Variants in PAK2 observed in about 807,000 individuals in gnomAD.
The protein encoded by PAK2 is p21 (RAC1) activated kinase 2.
Under a neutral mutation model 65.9 loss-of-function variants are expected in PAK2, and 21 were observed. The observed-to-expected ratio is 0.32, with a 90% CI of 0.23 to 0.46. The LOEUF is 0.46. PAK2 is among the 20% of genes least tolerant of loss of function. PAK2 has a pLI of 1.00. For missense variants in PAK2, 324 were observed against 642.6 expected (o/e 0.50, Z 5.36); for synonymous variants, 204 against 219.7 (o/e 0.93, Z 0.63).
At chr3:196,799,372 C>CT (rs1413279561) in intron 2 of PAK2, among the ~76,000 whole-genome samples, 1 of 152,182 alleles carries the variant, frequency 6.6e-6, no homozygotes, top group Non-Finnish European at 1.5e-5. Flanking sequence ...TGCTCTGTTT[C>CT]TAAGTGTCCC....
chr3:196,781,145 A>C (rs1452631485), intron 1 of PAK2, among the ~76,000 whole-genome samples: 1 of 152,210 alleles, frequency 6.6e-6, no homozygotes, highest in African/African-American at 2.4e-5. Flanking sequence ...TGAAATAAAA[A>C]ATTTGTTTTT....
intron 1 of PAK2, among the ~76,000 whole-genome samples, chr3:196,761,697 C>A (rs1253853448): frequency 2.1e-5 from 3 of 142,882 alleles, no homozygotes; most frequent in Non-Finnish European, 4.7e-5. Flanking sequence ...GGGTGGTGGC[C>A]GGGCAGAGGG....
At position 196,759,498 on chromosome 3, in the gene PAK2, G is replaced by GTTTTTTTTTTTTTTTTTTTTTTT. The variant is rs71301221; in HGVS notation, c.-22+19358_-22+19380dup. Among the ~76,000 whole-genome samples, 8 of 108,160 alleles carry GTTTTTTTTTTTTTTTTTTTTTTT rather than the reference G, an allele frequency of 7.4e-5. 1 individual carries two copies. Among genetic ancestry groups the GTTTTTTTTTTTTTTTTTTTTTTT allele is most frequent in the Non-Finnish European group, 9.0e-5 (5 of 55,422 alleles). 71.0% of individuals were successfully genotyped at this position (108,160 alleles called of 152,430 possible). The stretch of plus-strand genomic sequence containing the variant: ...GGTATACAGTTAAGTGGTTTTTTTT[G>GTTTTTTTTTTTTTTTTTTTTTTT]TTTTTTTTTTTTTTTTTTTTTTTTT... On this transcript the variant is annotated intron_variant, in intron 1 of 14. Transcript: ENST00000327134.
At chr3:196,816,192 A>G (rs1329869804) in intron 11 of PAK2, among the ~76,000 whole-genome samples, 1 of 152,210 alleles carries the variant, frequency 6.6e-6, no homozygotes, top group African/African-American at 2.4e-5. Context: ...GCAGTTCTTC[A>G]GTGACATGTG....
chr3:196,762,069 C>T (rs531876782), intron 1 of PAK2, among the ~76,000 whole-genome samples: 2,857 of 141,034 alleles, frequency 0.02, 51 homozygotes, highest in Non-Finnish European at 0.03. Context: ...GGGTCTTGGC[C>T]GGGCAGAGGC....
At chr3:196,767,897 G>T (rs1179730242) in intron 1 of PAK2, among the ~76,000 whole-genome samples, 1 of 152,072 alleles carries the variant, frequency 6.6e-6, no homozygotes, top group Admixed American at 6.5e-5. Flanking sequence ...CCACAGTGCG[G>T]TCTCATCATA....
chr3:196,756,011 C>T (rs1713756851), intron 1 of PAK2, among the ~76,000 whole-genome samples: 3 of 152,172 alleles, frequency 2.0e-5, no homozygotes, highest in African/African-American at 7.2e-5. Flanking sequence ...GCCTTGGCCT[C>T]CCAAAGTGCA....
At chr3:196,800,789 TTATATA>T (rs1181083778) in intron 2 of PAK2, among the ~76,000 whole-genome samples, 1 of 152,132 alleles carries the variant, frequency 6.6e-6, no homozygotes, top group South Asian at 2.1e-4. Flanking sequence ...GGGTTCCAAC[TTATATA>T]TATATAAAAT....
intron 1 of PAK2, among the ~76,000 whole-genome samples, chr3:196,762,055 G>C (rs927782597): frequency 7.1e-6 from 1 of 141,464 alleles, no homozygotes; most frequent in African/African-American, 2.7e-5. Context: ...TCACCTCCCA[G>C]ACGGGGTCTT....
At chr3:196,749,953 C>G (rs192678032) in intron 1 of PAK2, among the ~76,000 whole-genome samples, 4 of 151,750 alleles carry the variant, frequency 2.6e-5, no homozygotes, top group Admixed American at 2.6e-4. Context: ...TCCAGAGTAG[C>G]CAGGACTACA....
At chr3:196,789,588 G>T (rs191706234) in intron 2 of PAK2, among the ~76,000 whole-genome samples, 1 of 151,780 alleles carries the variant, frequency 6.6e-6, no homozygotes, top group African/African-American at 2.4e-5. Context: ...TCAGCCTCCC[G>T]AGTAGCTGGG....
In PAK2 at chr3:196,807,772, G is replaced by A. The variant is rs775132792; in HGVS notation, c.577-10G>A. 12 of 1,535,350 alleles carry A rather than the reference G, an allele frequency of 7.8e-6. No homozygotes were observed. Among genetic ancestry groups the A allele is most frequent in the Non-Finnish European group, 1.1e-5 (12 of 1,117,126 alleles). On this transcript the variant is annotated splice_polypyrimidine_tract_variant and intron_variant, in intron 6 of 14. Transcript: ENST00000327134. ...TCCTCAAACCTTGGTAATGAACTGT[G>A]TCTCCACAGATTTACACACGGTCTG...
In PAK2 at chr3:196,831,997, A is replaced by G. The variant is rs568871287; in HGVS notation, c.*3592A>G. 1.3e-5 allele frequency: 2 copies of G among 152,370 alleles called. No individual in the cohort carries two copies. Among genetic ancestry groups the G allele is most frequent in the African/African-American group, 4.8e-5 (2 of 41,588 alleles). The allele number at this position is 152,370 out of a possible 1,614,324, so 9.4% of individuals were successfully genotyped here. The stretch of plus-strand genomic sequence containing the variant: ...TATATAAGAAAAAATAGATACACAC[A>G]TTCTTTTTTCTCAGTCAACACATTG... On this transcript the variant is annotated 3_prime_UTR_variant, in exon 15 of 15. Coordinates refer to ENST00000327134, the MANE Select transcript of PAK2 (RefSeq NM_002577.4).
At chr3:196,825,083 T>C (rs531400256) in intron 13 of PAK2, among the ~76,000 whole-genome samples, 6 of 152,274 alleles carry the variant, frequency 3.9e-5, no homozygotes, top group East Asian at 3.9e-4. Context: ...CAGCGGCTCA[T>C]GCCTGTAATA....
intron 1 of PAK2, among the ~76,000 whole-genome samples, chr3:196,742,212 C>A (rs1349041130): frequency 6.6e-6 from 1 of 150,488 alleles, no homozygotes; most frequent in African/African-American, 2.4e-5. Context: ...TCTCAGCCTG[C>A]TGAGTAGCTG....
rs1276424113 is a variant in PAK2, at chr3:196,830,520, G to C, written c.*2115G>C. 1 of 152,206 alleles carries C rather than the reference G, an allele frequency of 6.6e-6. No homozygotes were observed. The highest frequency in any genetic ancestry group is 1.5e-5 in the Non-Finnish European group (1 of 68,034). 9.4% of individuals were successfully genotyped at this position (152,206 alleles called of 1,614,324 possible). A position where few individuals can be genotyped will look rare whatever the true frequency, so the allele number is the denominator to read the frequency against. Reference sequence around the variant, plus strand: ...GTACTCAGAGGCACTTCCCTCCTAAGTCAAAGACCATCCTCACTGACTATG... The same window carrying C: ...GTACTCAGAGGCACTTCCCTCCTAACTCAAAGACCATCCTCACTGACTATG... On this transcript the variant is annotated 3_prime_UTR_variant, in exon 15 of 15. Transcript: ENST00000327134.
At chr3:196,776,478 C>T (rs181604625) in intron 1 of PAK2, among the ~76,000 whole-genome samples, 102 of 152,214 alleles carry the variant, frequency 6.7e-4, no homozygotes, top group Non-Finnish European at 1.2e-3. Context: ...TCGTATTTTG[C>T]GGACATTTCC....
At chr3:196,821,135 C>T (rs1360329877) in intron 13 of PAK2, among the ~76,000 whole-genome samples, 3 of 152,116 alleles carry the variant, frequency 2.0e-5, no homozygotes, top group African/African-American at 7.2e-5. Context: ...ACAACTGCAC[C>T]TGGCCACTTC....
chr3:196,801,840 C>G, intron 2 of PAK2, 87 bp from the exon 3 acceptor site: 3 of 720,770 alleles, frequency 4.2e-6, no homozygotes, highest in Non-Finnish European at 7.2e-6. Context: ...TTTAAAAAAA[C>G]AAAAGACAAA....
Sources: gnomAD v4.1 joint callset for allele counts (sites outside exome capture counted in the v4.1 genomes callset) on GRCh38, gnomAD v4.1.1 for gene constraint, MANE v1.5 for transcripts, NCBI Gene and HGNC (gene_info 2026-07-23, HGNC 2026-07-21) for gene names.